Variants in NDRG2 observed in about 807,000 individuals in gnomAD.
The protein encoded by NDRG2 is protein NDRG2.
In NDRG2, 34 loss-of-function variants were observed where a neutral mutation model predicts 58.2. The ratio of observed to expected loss-of-function variants is 0.58; its 90% confidence interval spans 0.44 to 0.78. The LOEUF (loss-of-function observed/expected upper bound fraction) is 0.78. Ranked by LOEUF, NDRG2 falls within the 30% of genes least tolerant of loss-of-function variation. The pLI is 0.00. For missense variants in NDRG2, 434 were observed against 471.2 expected (o/e 0.92, Z 0.73); for synonymous variants, 187 against 175.9 (o/e 1.06, Z -0.50).
intron 1 of NDRG2, among the ~76,000 whole-genome samples, chr14:21,054,954 C>A (rs907771209): frequency 2.6e-5 from 4 of 151,998 alleles, no homozygotes; most frequent in Non-Finnish European, 4.4e-5. Flanking sequence ...GCTGTACAGC[C>A]CTGTGCTGAC....
At chr14:21,033,905 G>A (rs1176787002) in intron 1 of NDRG2, 1 of 1,613,948 alleles carries the variant, frequency 6.2e-7, no homozygotes, top group Non-Finnish European at 8.5e-7. Flanking sequence ...GGTTGGTTAG[G>A]GTGCTATTGT....
intron 1 of NDRG2, chr14:21,043,295 C>T (rs572902990): frequency 7.8e-5 from 126 of 1,614,212 alleles, no homozygotes; most frequent in South Asian, 2.6e-4. Context: ...ACCAGAGCCA[C>T]GGGGCCGTGT....
At chr14:21,058,185 A>G in intron 1 of NDRG2, 1 of 1,614,178 alleles carries the variant, frequency 6.2e-7, no homozygotes. Flanking sequence ...AACTGCCACC[A>G]GAGCCACGGG....
At position 21,037,825 on chromosome 14, in the gene NDRG2, T is replaced by G. The variant is rs912344614; in HGVS notation, c.25-14504A>C. Among the ~76,000 whole-genome samples, 8 of 152,296 alleles carry G rather than the reference T, an allele frequency of 5.3e-5. No individual in the cohort carries two copies. In the East Asian group the frequency reaches 1.2e-3, roughly 22 times the overall value. Reference sequence around the variant, plus strand: ...GTTCACCATTGAAACAATAACTGAGTTGTTTTTCCTGTAAAGATGACCCTC... The same window carrying G: ...GTTCACCATTGAAACAATAACTGAGGTGTTTTTCCTGTAAAGATGACCCTC... On this transcript the variant is annotated intron_variant, in intron 1 of 14. Transcript: ENST00000403829.
At chr14:21,041,903 A>ATAACCAG (rs1313200678) in intron 1 of NDRG2, among the ~76,000 whole-genome samples, 1 of 152,172 alleles carries the variant, frequency 6.6e-6, no homozygotes, top group African/African-American at 2.4e-5. Context: ...CCTCCGAAAG[A>ATAACCAG]TAACCAGTAT....
At chr14:21,021,951 A>G in intron 5 of NDRG2, 72 bp from the exon 6 acceptor site, 1 of 1,611,660 alleles carries the variant, frequency 6.2e-7, no homozygotes, top group Non-Finnish European at 8.5e-7. Context: ...TGTCCTACTC[A>G]TTCTCTCCCA....
upstream of NDRG2, chr14:21,030,377 G>C (rs1594473128): frequency 6.8e-6 from 4 of 585,660 alleles, no homozygotes; most frequent in East Asian, 1.2e-4. Context: ...CCAATGCTGG[G>C]AATGGGAGAC....
chr14:21,058,554 G>T, intron 1 of NDRG2: 2 of 576,818 alleles, frequency 3.5e-6, no homozygotes, highest in Non-Finnish European at 3.1e-6. Context: ...ATTCTCTTCA[G>T]CCTTTCATTG....
chr14:21,070,384 C>A lies in NDRG2; in HGVS notation c.24+444G>T. On this transcript the variant is annotated intron_variant, in intron 1 of 14. Coordinates refer to the NDRG2 transcript ENST00000403829. The surrounding 1 kb of genome is among the most constrained non-coding windows in gnomAD (Gnocchi z 4.7). Reference sequence around the variant, plus strand: ...CGCCCGACCAAGCGTCGGACGCGGCCCGGCGCCGAGCCATGGTGAGTCCAG... The same window carrying A: ...CGCCCGACCAAGCGTCGGACGCGGCACGGCGCCGAGCCATGGTGAGTCCAG... 7.1e-7 allele frequency: 1 copy of A among 1,411,394 alleles called. No individual in the cohort carries two copies. The highest frequency in any genetic ancestry group is 9.2e-7 in the Non-Finnish European group (1 of 1,091,720). 87.4% of individuals were successfully genotyped at this position (1,411,394 alleles called of 1,614,324 possible).
In NDRG2 at chr14:21,020,824, A is replaced by G. The variant is rs2138896801; in HGVS notation, c.428T>C (p.Val143Ala). 2 of 1,613,178 alleles carry G rather than the reference A, an allele frequency of 1.2e-6. No homozygotes were observed. Residue 143 changes from valine (V) to alanine (A), a missense_variant, in exon 7 of 16, where the codon GTT becomes GCT. By Grantham distance (64) the Val-to-Ala change is moderately conservative. Coordinates refer to ENST00000556147, the MANE Select transcript of NDRG2 (RefSeq NM_001320329.2). Reference sequence around the variant, plus strand: ...GATGTAGGCTCCAGCTCCAACACCAACTCCAATTATTGTAGAGAAACTGTG... The same window carrying G: ...GATGTAGGCTCCAGCTCCAACACCAGCTCCAATTATTGTAGAGAAACTGTG... ...QYLNFSTIIG[V>A]GVGAGAYILA...
intron 1 of NDRG2, among the ~76,000 whole-genome samples, chr14:21,067,116 T>C (rs1024143880): frequency 4.6e-5 from 7 of 152,174 alleles, no homozygotes; most frequent in Non-Finnish European, 1.0e-4. Flanking sequence ...AAGATGGCAG[T>C]CATAGCTCTT....
At chr14:21,043,372 A>G (rs1358029867) in intron 1 of NDRG2, 2 of 1,614,204 alleles carry the variant, frequency 1.2e-6, no homozygotes, top group Admixed American at 3.3e-5. Flanking sequence ...AAGCGACAGA[A>G]CAAGTCTTAC....
chr14:21,019,596 C>A, intron 10 of NDRG2, 43 bp downstream of exon 10: 6 of 1,340,622 alleles, frequency 4.5e-6, no homozygotes, highest in Non-Finnish European at 6.4e-6. Context: ...CCAATTACTG[C>A]TTCTGCATTT....
At chr14:21,036,355 G>A (rs770073169) in intron 1 of NDRG2, 13 of 428,534 alleles carry the variant, frequency 3.0e-5, no homozygotes, top group Non-Finnish European at 4.7e-5. Context: ...CAGTCTTTTG[G>A]CTTCCCTGGG....
At chr14:21,049,227 C>T (rs1240601981) in intron 1 of NDRG2, among the ~76,000 whole-genome samples, 1 of 152,156 alleles carries the variant, frequency 6.6e-6, no homozygotes, top group Non-Finnish European at 1.5e-5. Context: ...CTTAGGAAGG[C>T]TTACTATCCC....
At chr14:21,036,150 T>C (rs951411716) in intron 1 of NDRG2, 2 of 455,662 alleles carry the variant, frequency 4.4e-6, no homozygotes, top group South Asian at 1.6e-5. Flanking sequence ...AATCTTAAAC[T>C]TTTCCCAAGC....
At chr14:21,038,124 A>T (rs1207665416) in intron 1 of NDRG2, among the ~76,000 whole-genome samples, 1 of 152,176 alleles carries the variant, frequency 6.6e-6, no homozygotes, top group Non-Finnish European at 1.5e-5. Context: ...TTCTCATAGC[A>T]TCACCTCAAA....
intron 13 of NDRG2, 43 bp downstream of exon 13, chr14:21,018,414 G>A: frequency 6.2e-7 from 1 of 1,612,494 alleles, no homozygotes; most frequent in Non-Finnish European, 8.5e-7. Flanking sequence ...CATGTAGAGA[G>A]GATATATGAC....
At chr14:21,047,298 C>T (rs1158712697) in intron 1 of NDRG2, among the ~76,000 whole-genome samples, 1 of 152,050 alleles carries the variant, frequency 6.6e-6, no homozygotes, top group Non-Finnish European at 1.5e-5. Context: ...AAATTTCACT[C>T]CAGGTTACAT....
Sources: gnomAD v4.1 joint callset for allele counts (sites outside exome capture counted in the v4.1 genomes callset) on GRCh38, gnomAD v4.1.1 for gene constraint, Gnocchi (gnomAD v3.1) non-coding constraint, MANE v1.5 for transcripts, NCBI Gene and HGNC (gene_info 2026-07-23, HGNC 2026-07-21) for gene names.